F8: variants seen among roughly 807,000 people sequenced by gnomAD.
F8 encodes the protein antihemophilic factor.
In F8, 12 loss-of-function variants were observed where a neutral mutation model predicts 140.6. The observed-to-expected ratio is 0.09, with a 90% CI of 0.05 to 0.14. The LOEUF (loss-of-function observed/expected upper bound fraction) is 0.14. Ranked by LOEUF, F8 falls within the 10% of genes least tolerant of loss-of-function variation. F8 has a pLI of 1.00. For missense variants in F8, 1,354 were observed against 1,720.7 expected (o/e 0.79, Z 3.77); for synonymous variants, 585 against 614.6 (o/e 0.95, Z 0.71).
In F8 at chrX:154,837,407, A is replaced by G; in HGVS notation, c.*190T>C. On this transcript the variant is annotated 3_prime_UTR_variant, in exon 26 of 26. Coordinates refer to ENST00000360256, the MANE Select transcript of F8 (RefSeq NM_000132.4). ...AGCTGCAGAAAATAGGTAAGAGTTAAGTTAAATTGGATGCACCCTCCTGGC... is the reference window on the plus strand; with the variant it reads ...AGCTGCAGAAAATAGGTAAGAGTTAGGTTAAATTGGATGCACCCTCCTGGC... The G allele has an allele frequency of 2.2e-6, 1 of 462,027 alleles. No individual in the cohort carries two copies. Among genetic ancestry groups the G allele is most frequent in the Non-Finnish European group, 3.7e-6 (1 of 271,655 alleles). The allele number at this position is 462,027 out of a possible 1,213,427, so 38.1% of individuals were successfully genotyped here.
At chrX:154,901,738 C>T (rs2073010714) in intron 19 of F8, among the ~76,000 whole-genome samples, 1 of 111,538 alleles carries the variant, frequency 9.0e-6, no homozygotes, top group African/African-American at 3.3e-5. Flanking sequence ...TCTAAGTTAT[C>T]TGGTAACTAA....
intron 22 of F8, among the ~76,000 whole-genome samples, chrX:154,873,419 G>A (rs1557273751): frequency 9.1e-6 from 1 of 110,393 alleles, no homozygotes; most frequent in African/African-American, 3.3e-5. Flanking sequence ...GTAGAGACGG[G>A]GTTTCACCAT....
intron 10 of F8, among the ~76,000 whole-genome samples, chrX:154,958,862 C>T (rs1236443577): frequency 5.4e-5 from 6 of 110,971 alleles, no homozygotes; most frequent in South Asian, 3.8e-4. Flanking sequence ...GTGATCTGCC[C>T]GCCTCGGCCT....
intron 14 of F8, among the ~76,000 whole-genome samples, chrX:154,927,458 C>A (rs1296935421): frequency 8.9e-6 from 1 of 111,845 alleles, no homozygotes; most frequent in Non-Finnish European, 1.9e-5. Flanking sequence ...CACAGACACT[C>A]TATTTATTGT....
chrX:154,916,197 T>C (rs1284071486), intron 14 of F8, among the ~76,000 whole-genome samples: 1 of 112,281 alleles, frequency 8.9e-6, no homozygotes, highest in African/African-American at 3.2e-5. Flanking sequence ...TGTTGTTGAA[T>C]TTAGTTTGCT....
At chrX:154,973,965 ATGTGTGTGTGTGTG>A (rs782207804) in intron 6 of F8, among the ~76,000 whole-genome samples, 5 of 103,414 alleles carry the variant, frequency 4.8e-5, no homozygotes, top group Admixed American at 2.1e-4. Context: ...TCTGGCTAGC[ATGTGTGTGTGTGTG>A]TGTGTGTGTG....
At chrX:154,963,843 TA>T (rs2073409100) in intron 9 of F8, among the ~76,000 whole-genome samples, 1 of 110,215 alleles carries the variant, frequency 9.1e-6, no homozygotes, top group Admixed American at 9.7e-5. Context: ...AATATATTGT[TA>T]CTTTTTTTTT....
chrX:154,952,202 T>G (rs5987071), intron 12 of F8, among the ~76,000 whole-genome samples: 1 of 112,512 alleles, frequency 8.9e-6, no homozygotes, highest in Middle Eastern at 4.2e-3. Context: ...AAAAGCTCTG[T>G]GCCACTAGAA....
chrX:155,008,330 C>T (rs1414080713), intron 1 of F8, among the ~76,000 whole-genome samples: 17 of 112,376 alleles, frequency 1.5e-4, no homozygotes, highest in Non-Finnish European at 9.4e-5. Context: ...GCCGCCCCTC[C>T]CTGCAGCTCT....
Position 154,836,509 on chromosome X carries a change from T to C in F8, c.*1088A>G, listed in dbSNP as rs2072476584. ...TCTGACCTCCTTGATATTTCAACTA[T>C]GTAAGTAGGACTCTAGTTTTCAGTC... On this transcript the variant is annotated 3_prime_UTR_variant, in exon 26 of 26. Coordinates refer to ENST00000360256, the MANE Select transcript of F8 (RefSeq NM_000132.4). 1 of 111,885 alleles carries C rather than the reference T, an allele frequency of 8.9e-6. No individual in the cohort carries two copies. Among genetic ancestry groups the C allele is most frequent in the African/African-American group, 3.2e-5 (1 of 30,784 alleles). The allele number at this position is 111,885 out of a possible 1,213,427, so 9.2% of individuals were successfully genotyped here.
chrX:154,848,049 C>T (rs897819596), intron 25 of F8, among the ~76,000 whole-genome samples: 13 of 112,496 alleles, frequency 1.2e-4, no homozygotes, highest in African/African-American at 3.2e-4. Context: ...GCTGGAGGTC[C>T]GCTCCAGACC....
Position 154,900,769 on chromosome X carries a change from C to T in F8, c.6187+602G>A, listed in dbSNP as rs958859010. 4.5e-5 allele frequency among the ~76,000 whole-genome samples: 5 copies of T among 111,470 alleles called. No homozygotes were observed. The Admixed American group carries it at 4.8e-4, about 11-fold the overall frequency. ...CAGATAGTAAATCATTTAGGCTTTG[C>T]ATATTATATGGTCTCTGTTGCAACT... On this transcript the variant is annotated intron_variant, in intron 20 of 25. Coordinates refer to ENST00000360256, the MANE Select transcript of F8 (RefSeq NM_000132.4).
intron 14 of F8, among the ~76,000 whole-genome samples, chrX:154,917,999 T>C (rs2073107545): frequency 8.9e-6 from 1 of 112,242 alleles, no homozygotes; most frequent in African/African-American, 3.2e-5. Context: ...TATATCTATG[T>C]CTTTGTATGA....
chrX:154,897,249 C>T (rs28588460), intron 21 of F8, among the ~76,000 whole-genome samples: 3,283 of 112,395 alleles, frequency 0.029, 107 homozygotes, highest in African/African-American at 0.099. Flanking sequence ...AAATTTAGCA[C>T]GTTTTCACAC....
In F8 at chrX:155,012,062, T is replaced by C. The variant is rs1159148371; in HGVS notation, c.143+10348A>G. 4.5e-5 allele frequency among the ~76,000 whole-genome samples: 5 copies of C among 112,025 alleles called. No individual in the cohort carries two copies. The Admixed American group carries it at 4.7e-4, about 11-fold the overall frequency. On this transcript the variant is annotated intron_variant, in intron 1 of 25. Transcript: ENST00000360256. ...TTGAGGTGATGAAAATATTCTGGAA[T>C]TAAATAAAGATGATAGTTGTACACT...
chrX:154,997,163 A>C, intron 2 of F8, 68 bp from the exon 3 acceptor site: 2 of 1,157,615 alleles, frequency 1.7e-6, no homozygotes, highest in South Asian at 3.6e-5. Context: ...TTATTCCAAA[A>C]GTTAGAGTCA....
chrX:154,863,074 G>A lies in F8; in HGVS notation c.6574+9C>T, dbSNP rs1352643625. 1 of 1,207,460 alleles carries A rather than the reference G, an allele frequency of 8.3e-7. No homozygotes were observed. The highest frequency in any genetic ancestry group is 1.1e-6 in the Non-Finnish European group (1 of 893,104). On this transcript the variant is annotated intron_variant, in intron 23 of 25. Coordinates refer to ENST00000360256, the MANE Select transcript of F8 (RefSeq NM_000132.4). ...AGGGAAGAAGGATATGGGATGACTT[G>A]GCACTTACTATTTAAATCACAGCCC...
chrX:154,965,200 T>TG (rs1415010658), intron 9 of F8, among the ~76,000 whole-genome samples: 1 of 111,604 alleles, frequency 9.0e-6, no homozygotes, highest in Non-Finnish European at 1.9e-5. Flanking sequence ...GGCAATGGTG[T>TG]GGGGAAAAGG....
At chrX:154,859,972 G>T (rs1462621465) in intron 25 of F8, among the ~76,000 whole-genome samples, 2 of 111,765 alleles carry the variant, frequency 1.8e-5, no homozygotes, top group African/African-American at 6.5e-5. Flanking sequence ...CTGTATTAGA[G>T]AGATTGGTAA....
Sources: gnomAD v4.1 joint callset for allele counts (sites outside exome capture counted in the v4.1 genomes callset) on GRCh38, gnomAD v4.1.1 for gene constraint, MANE v1.5 for transcripts, NCBI Gene and HGNC (gene_info 2026-07-23, HGNC 2026-07-21) for gene names.